POU2F3: variants seen among roughly 807,000 people sequenced by gnomAD.
POU2F3 encodes POU class 2 homeobox 3, also known as POU domain, class 2, transcription factor 3.
A neutral mutation model predicts 59.2 loss-of-function variants in POU2F3; 23 were observed. The observed-to-expected ratio is 0.39, with a 90% confidence interval of 0.28 to 0.55. The LOEUF (loss-of-function observed/expected upper bound fraction) is 0.55, where lower values mean the gene tolerates loss of function less well. POU2F3 is among the 20% of genes least tolerant of loss of function. The probability of loss-of-function intolerance (pLI) is 0.66; values close to 1 mark genes in which losing one functional copy is unlikely to be tolerated. For synonymous variants in POU2F3, 190 were observed against 214.6 expected (o/e 0.89, Z 1.00); for missense variants, 473 against 544.5 (o/e 0.87, Z 1.31).
intron 3 of POU2F3, among the ~76,000 whole-genome samples, chr11:120,293,949 G>T (rs11603757): frequency 0.16 from 24,061 of 152,070 alleles, 3,385 homozygotes; most frequent in African/African-American, 0.37. Flanking sequence ...TTCTGCCGGG[G>T]TATTGCTATA....
chr11:120,271,629 G>A (rs544833013), intron 3 of POU2F3, among the ~76,000 whole-genome samples: 8 of 152,188 alleles, frequency 5.3e-5, no homozygotes, highest in African/African-American at 1.2e-4. Flanking sequence ...TGGGCTTGGC[G>A]GCCCATGTGA....
At chr11:120,250,193 T>TC (rs1645209299) in intron 2 of POU2F3, 1 of 152,298 alleles carries the variant, frequency 6.6e-6, no homozygotes, top group Admixed American at 6.5e-5. Context: ...CCTGGTTTTC[T>TC]CCCCATTCCT....
chr11:120,283,869 A>ATATTTATGGTAGAACAGT (rs1288476820), intron 3 of POU2F3, among the ~76,000 whole-genome samples: 1 of 150,826 alleles, frequency 6.6e-6, no homozygotes, highest in African/African-American at 2.4e-5. Flanking sequence ...GGTCTGTATC[A>ATATTTATGGTAGAACAGT]TATTTATGGT....
chr11:120,239,497 T>G (rs1938580683), upstream of POU2F3, among the ~76,000 whole-genome samples: 1 of 152,110 alleles, frequency 6.6e-6, no homozygotes, highest in South Asian at 2.1e-4. Flanking sequence ...CACAGCAACC[T>G]GGGACCTGGG....
chr11:120,273,045 G>A (rs1296780547), intron 3 of POU2F3, among the ~76,000 whole-genome samples: 1 of 152,174 alleles, frequency 6.6e-6, no homozygotes, highest in Non-Finnish European at 1.5e-5. Context: ...ACTTCCACTC[G>A]ACTTCCATTT....
chr11:120,288,128 C>CAAAAAAAAAAAAAAAAAAAAACAAAA, intron 3 of POU2F3, among the ~76,000 whole-genome samples: 8 of 63,320 alleles, frequency 1.3e-4, no homozygotes, highest in Non-Finnish European at 1.6e-4. Flanking sequence ...ACAAAAAAAC[C>CAAAAAAAAAAAAAAAAAAAAACAAAA]AAAAAAAAAA....
At position 120,244,937 on chromosome 11, in the gene POU2F3, C is replaced by G. The variant is rs148991084; in HGVS notation, c.29-1512C>G. ...TAGGCTCAAGAAATGCCTCCCTAAACGCTGTGCACTAGGAGGGGAGGGGGT... is the reference window on the plus strand; with the variant it reads ...TAGGCTCAAGAAATGCCTCCCTAAAGGCTGTGCACTAGGAGGGGAGGGGGT... On this transcript the variant is annotated intron_variant, in intron 1 of 12. Transcript: ENST00000543440. 2.6e-3 allele frequency among the ~76,000 whole-genome samples: 383 copies of G among 148,134 alleles called. 2 individuals carry two copies. Among genetic ancestry groups the G allele is most frequent in the African/African-American group, 9.3e-3 (373 of 40,148 alleles).
At chr11:120,297,936 A>ATTT (rs1335660134) in intron 3 of POU2F3, among the ~76,000 whole-genome samples, 229 of 113,794 alleles carry the variant, frequency 2.0e-3, no homozygotes, top group African/African-American at 7.0e-3. Flanking sequence ...ATGCCTGGCT[A>ATTT]TTTTTTTTTT....
chr11:120,298,242 T>G, intron 3 of POU2F3, 23 bp from the exon 4 acceptor site: 1 of 1,603,772 alleles, frequency 6.2e-7, no homozygotes, highest in African/African-American at 1.3e-5. Context: ...GCACTGACGC[T>G]CTCCTCTTGC....
chr11:120,281,712 T>C (rs2135235067), intron 3 of POU2F3, among the ~76,000 whole-genome samples: 1 of 152,286 alleles, frequency 6.6e-6, no homozygotes, highest in East Asian at 1.9e-4. Flanking sequence ...CTGTGGGGTG[T>C]CCCTGGTTCC....
chr11:120,272,493 G>A (rs756099766), intron 3 of POU2F3, among the ~76,000 whole-genome samples: 2 of 152,222 alleles, frequency 1.3e-5, no homozygotes, highest in Non-Finnish European at 2.9e-5. Context: ...TTGTGTAGGA[G>A]CAGCCTCTGC....
intron 10 of POU2F3, among the ~76,000 whole-genome samples, chr11:120,311,041 G>C (rs994494149): frequency 2.0e-5 from 3 of 152,292 alleles, no homozygotes; most frequent in Admixed American, 1.3e-4. Context: ...AAATAAATGT[G>C]GGTGGAGCTC....
At chr11:120,318,103 T>C (rs896745830) in intron 12 of POU2F3, among the ~76,000 whole-genome samples, 9 of 152,184 alleles carry the variant, frequency 5.9e-5, no homozygotes, top group Non-Finnish European at 2.9e-5. Context: ...CCATATAATA[T>C]ACATTACCAG....
At chr11:120,281,654 C>T (rs1940575640) in intron 3 of POU2F3, among the ~76,000 whole-genome samples, 1 of 152,152 alleles carries the variant, frequency 6.6e-6, no homozygotes, top group Admixed American at 6.6e-5. Context: ...CTCCCCTGCG[C>T]TGGCATCTAC....
chr11:120,288,477 G>T (rs532997615), intron 3 of POU2F3, among the ~76,000 whole-genome samples: 4 of 152,268 alleles, frequency 2.6e-5, no homozygotes, highest in Non-Finnish European at 5.9e-5. Flanking sequence ...TGAAAGGTAC[G>T]CTGAATTTTA....
At chr11:120,308,994 G>A (rs1427404911) in intron 9 of POU2F3, among the ~76,000 whole-genome samples, 1 of 129,534 alleles carries the variant, frequency 7.7e-6, no homozygotes, top group African/African-American at 3.0e-5. Flanking sequence ...CAAGGGAGAA[G>A]GACATCAGGT....
At chr11:120,236,935 A>T (rs1320678), upstream of POU2F3, among the ~76,000 whole-genome samples, 7,604 of 152,270 alleles carry the variant, frequency 0.05, 289 homozygotes, top group Non-Finnish European at 0.081. Flanking sequence ...TTCTGGGGTA[A>T]GTCCCCCTCC....
intron 1 of POU2F3, among the ~76,000 whole-genome samples, chr11:120,241,838 G>A (rs1004368550): frequency 2.0e-5 from 3 of 152,122 alleles, no homozygotes; most frequent in African/African-American, 7.2e-5. Context: ...CCAGCAGGGA[G>A]GCAGCCTGGG....
At chr11:120,239,288 A>G (rs2135109569), upstream of POU2F3, among the ~76,000 whole-genome samples, 1 of 152,358 alleles carries the variant, frequency 6.6e-6, no homozygotes, top group Middle Eastern at 3.4e-3. Flanking sequence ...TGGGACTTGA[A>G]GAGACGAAGA....
Sources: allele counts gnomAD v4.1 joint callset (sites outside exome capture counted in the v4.1 genomes callset), GRCh38; gene constraint gnomAD v4.1.1; transcripts MANE v1.5; gene names NCBI Gene and HGNC (gene_info 2026-07-23, HGNC 2026-07-21).